Variants in ITGA9 observed in about 807,000 individuals in gnomAD.
ITGA9 encodes integrin subunit alpha 9, also known as integrin alpha-9.
ITGA9 carries 56 observed loss-of-function variants against 127.8 expected under a neutral mutation model. The observed-to-expected ratio is 0.44, with a 90% CI of 0.35 to 0.55. ITGA9 has a LOEUF of 0.55. ITGA9 is among the 20% of genes least tolerant of loss of function. The pLI is 0.00. For synonymous variants in ITGA9, 508 were observed against 514.5 expected (o/e 0.99, Z 0.17); for missense variants, 1,196 against 1,347.1 (o/e 0.89, Z 1.76).
At chr3:37,578,561 C>T (rs551696212) in intron 15 of ITGA9, among the ~76,000 whole-genome samples, 8 of 152,270 alleles carry the variant, frequency 5.3e-5, no homozygotes, top group Admixed American at 1.3e-4. Flanking sequence ...CCACAGTGGT[C>T]CCTCGGCTTC....
chr3:37,561,972 C>T (rs1328240937), intron 15 of ITGA9, among the ~76,000 whole-genome samples: 1 of 152,166 alleles, frequency 6.6e-6, no homozygotes, highest in Non-Finnish European at 1.5e-5. Context: ...CTCTGTGCCA[C>T]AAATAATGCT....
At chr3:37,628,984 A>T (rs1295154924) in intron 15 of ITGA9, among the ~76,000 whole-genome samples, 4 of 152,204 alleles carry the variant, frequency 2.6e-5, no homozygotes, top group African/African-American at 9.7e-5. Flanking sequence ...ACCCATCAAC[A>T]GAATGACCTT....
chr3:37,459,339 C>G (rs1233099913), intron 1 of ITGA9, among the ~76,000 whole-genome samples: 1 of 152,156 alleles, frequency 6.6e-6, no homozygotes, highest in Non-Finnish European at 1.5e-5. Flanking sequence ...GATCTAGAGC[C>G]TTGGAAGTCC....
intron 4 of ITGA9, among the ~76,000 whole-genome samples, chr3:37,492,489 A>G (rs563030438): frequency 6.6e-6 from 1 of 152,346 alleles, no homozygotes; most frequent in East Asian, 1.9e-4. Context: ...TGAGGCTGTC[A>G]CCACCTCGGA....
At chr3:37,740,654 G>T (rs1020174830) in intron 20 of ITGA9, among the ~76,000 whole-genome samples, 1 of 152,178 alleles carries the variant, frequency 6.6e-6, no homozygotes, top group African/African-American at 2.4e-5. Context: ...ACCTGTCAAA[G>T]GTGGGTGCTC....
chr3:37,706,055 C>T (rs977373513), intron 18 of ITGA9, among the ~76,000 whole-genome samples: 1 of 152,178 alleles, frequency 6.6e-6, no homozygotes, highest in African/African-American at 2.4e-5. Flanking sequence ...AGTCTGTCAG[C>T]TCTGTGGGGT....
intron 15 of ITGA9, among the ~76,000 whole-genome samples, chr3:37,611,894 C>T (rs1004308683): frequency 2.0e-5 from 3 of 152,102 alleles, no homozygotes; most frequent in Non-Finnish European, 4.4e-5. Flanking sequence ...TTCCTATGGG[C>T]TCACACGGGG....
At chr3:37,510,471 G>T (rs1360588760) in intron 8 of ITGA9, among the ~76,000 whole-genome samples, 1 of 152,032 alleles carries the variant, frequency 6.6e-6, no homozygotes, top group Non-Finnish European at 1.5e-5. Context: ...CTGTAATTGT[G>T]CCCTCTCTCC....
intron 18 of ITGA9, among the ~76,000 whole-genome samples, chr3:37,729,086 G>C (rs1245698835): frequency 3.3e-5 from 5 of 152,044 alleles, no homozygotes. Flanking sequence ...TCAAGCTGTT[G>C]TACTTATCTA....
intron 18 of ITGA9, among the ~76,000 whole-genome samples, chr3:37,704,192 C>A (rs1026583147): frequency 6.6e-6 from 1 of 152,082 alleles, no homozygotes; most frequent in Non-Finnish European, 1.5e-5. Flanking sequence ...GGGCAATGGG[C>A]AAGGAAGCAT....
chr3:37,660,954 A>G (rs1245495715), intron 17 of ITGA9, among the ~76,000 whole-genome samples: 3 of 152,234 alleles, frequency 2.0e-5, no homozygotes, highest in Non-Finnish European at 4.4e-5. Flanking sequence ...GAAATGTGCA[A>G]TGACTCTTAA....
chr3:37,715,513 G>A (rs558595233), intron 18 of ITGA9, among the ~76,000 whole-genome samples: 1 of 152,362 alleles, frequency 6.6e-6, no homozygotes, highest in African/African-American at 2.4e-5. Context: ...TTCCCTGGAG[G>A]CTGGTTTGGA....
intron 18 of ITGA9, among the ~76,000 whole-genome samples, chr3:37,715,991 C>T (rs1434061590): frequency 2.0e-5 from 3 of 152,182 alleles, no homozygotes; most frequent in African/African-American, 2.4e-5. Context: ...GGAGGCCAAA[C>T]AAGGATGTGA....
At chr3:37,506,212 G>A (rs1040782914) in intron 7 of ITGA9, 127 bp downstream of exon 7, 1 of 757,152 alleles carries the variant, frequency 1.3e-6, no homozygotes. Context: ...GGGAGGTGAT[G>A]AGGAACCCCC....
intron 15 of ITGA9, among the ~76,000 whole-genome samples, chr3:37,593,603 A>G (rs1304174505): frequency 6.6e-6 from 1 of 152,318 alleles, no homozygotes; most frequent in East Asian, 1.9e-4. Context: ...CTTATATACC[A>G]TCATGAAGGC....
intron 18 of ITGA9, among the ~76,000 whole-genome samples, chr3:37,690,614 G>A (rs1700822252): frequency 6.6e-6 from 1 of 152,146 alleles, no homozygotes; most frequent in Non-Finnish European, 1.5e-5. Flanking sequence ...GGTGCATGAG[G>A]GCTCCCAGCT....
chr3:37,784,884 G>T, intron 25 of ITGA9, 93 bp from the exon 26 acceptor site: 1 of 1,069,350 alleles, frequency 9.4e-7, no homozygotes, highest in Non-Finnish European at 1.4e-6. Context: ...GGGCTACATG[G>T]AATCATGGAA....
At chr3:37,515,342 A>T (rs1193128314) in intron 9 of ITGA9, among the ~76,000 whole-genome samples, 2 of 152,224 alleles carry the variant, frequency 1.3e-5, no homozygotes, top group African/African-American at 2.4e-5. Flanking sequence ...TAGGTATCCC[A>T]GTTGGGAGAG....
At position 37,800,253 on chromosome 3, in the gene ITGA9, G is replaced by A. The variant is rs1035975734; in HGVS notation, c.2890-3570G>A. Among the ~76,000 whole-genome samples the A allele has an allele frequency of 1.1e-4, 16 of 152,306 alleles. No homozygotes were observed. In the South Asian group the frequency reaches 2.7e-3, roughly 26 times the overall value. ...GCCATCTGGGTTAGCACAGGGGGCT[G>A]GGTTTTACAGCTAACCCCGCTGAGC... On this transcript the variant is annotated intron_variant, in intron 26 of 27. Coordinates refer to ENST00000264741, the MANE Select transcript of ITGA9 (RefSeq NM_002207.3).
Sources: gnomAD v4.1 joint callset for allele counts (sites outside exome capture counted in the v4.1 genomes callset) on GRCh38, gnomAD v4.1.1 for gene constraint, MANE v1.5 for transcripts, NCBI Gene and HGNC (gene_info 2026-07-23, HGNC 2026-07-21) for gene names.